The following TAS2R14 variants were observed in gnomAD, a reference collection of about 807,000 sequenced individuals.
The protein encoded by TAS2R14 is taste 2 receptor member 14, also known as taste receptor type 2 member 14.
For synonymous variants in TAS2R14, 131 were observed against 131.0 expected, an observed-to-expected ratio of 1.00 and a Z score of 0.00; for missense variants, 383 against 372.0, an observed-to-expected ratio of 1.03 and a Z score of -0.24.
At chr12:10,938,309 T>C (rs763149193) in exon 1 of TAS2R14, 3 of 1,613,720 alleles carry the variant, frequency 1.9e-6, no homozygotes, top group Non-Finnish European at 2.5e-6. Flanking sequence ...TTTGAACATG[T>C]ACCTCAGCCA....
exon 5 of TAS2R14, chr12:10,938,308 G>T (rs1300668196): frequency 6.2e-7 from 1 of 1,613,564 alleles, no homozygotes; most frequent in East Asian, 2.2e-5. Flanking sequence ...CTTTGAACAT[G>T]TACCTCAGCC....
At chr12:10,939,263 A>T (rs996118224) in exon 1 of TAS2R14, 2 of 997,124 alleles carry the variant, frequency 2.0e-6, no homozygotes, top group African/African-American at 3.3e-5. Flanking sequence ...TTCTTAATGC[A>T]TTCATCTAAA....
rs768228794 is a variant in TAS2R14, at chr12:10,939,036, G to A, written c.172C>T (p.Leu58=). The change falls in exon 1 of 1, where the codon CTG becomes TTG. Residue 58 remains leucine (L), a synonymous_variant. Transcript: ENST00000537503. ...CAGCTTCCGAATATTAACCAAACCA[G>A]GCTAATTCGAGAGATTGCCAAAGCA... 3 of 1,613,796 alleles carry A rather than the reference G, an allele frequency of 1.9e-6. No individual in the cohort carries two copies. The Admixed American group carries it at 5.0e-5, about 27-fold the overall frequency.
chr12:10,938,452 C>CATATCAGTTTCATAT (rs762146234), exon 5 of TAS2R14: 1 of 1,614,014 alleles, frequency 6.2e-7, no homozygotes, highest in South Asian at 1.1e-5. Context: ...TTTCAGAGGT[C>CATATCAGTTTCATAT]CAAACTGATA....
At chr12:10,938,847 A>G (rs1288988737) in exon 1 of TAS2R14, 3 of 1,613,526 alleles carry the variant, frequency 1.9e-6, no homozygotes, top group Non-Finnish European at 2.5e-6. Flanking sequence ...CACTTTAGGT[A>G]GAGAAAAATA....
At position 10,938,390 on chromosome 12, in the gene TAS2R14, G is replaced by A; in HGVS notation, c.818C>T (p.Pro273Leu). 6.2e-7 allele frequency: 1 copy of A among 1,613,996 alleles called. No homozygotes were observed. Among genetic ancestry groups the A allele is most frequent in the Non-Finnish European group, 8.5e-7 (1 of 1,179,946 alleles). ...AATCAGAACACATGAGTGACATGAA[G>A]GATAAGCCATTCCCATCACCTGGGA... The change falls in exon 1 of 1, where the codon CCT (proline) becomes CTT (leucine). Residue 273 changes from proline (P) to leucine (L), a missense_variant. Coordinates refer to ENST00000537503, the Ensembl canonical transcript of TAS2R14.
At chr12:10,938,298 C>A in exon 1 of TAS2R14, 3 of 1,612,512 alleles carry the variant, frequency 1.9e-6, no homozygotes, top group Non-Finnish European at 2.5e-6. Context: ...GGCTCCCCAT[C>A]TTTGAACATG....
exon 1 of TAS2R14, chr12:10,937,736 G>A (rs1161920693): frequency 6.6e-6 from 1 of 152,242 alleles, no homozygotes; most frequent in African/African-American, 2.4e-5. Context: ...AATGAGCAAA[G>A]CAAATGTGGT....
At chr12:10,938,902 G>T in exon 1 of TAS2R14, 1 of 1,613,918 alleles carries the variant, frequency 6.2e-7, no homozygotes, top group South Asian at 1.1e-5. Context: ...AAGTACCGAG[G>T]CCTGTAGCTA....
chr12:10,938,505 T>C (rs903406091), exon 1 of TAS2R14: 1 of 1,614,056 alleles, frequency 6.2e-7, no homozygotes, highest in African/African-American at 1.3e-5. Flanking sequence ...AGGAAGAAAG[T>C]GATCACACTT....
chr12:10,938,562 C>A, exon 1 of TAS2R14: 1 of 1,613,990 alleles, frequency 6.2e-7, no homozygotes, highest in South Asian at 1.1e-5. Context: ...GATATTTTGA[C>A]AGTGTGCTGC....
rs1387483577 is a variant in TAS2R14 at position 10,938,146 on chromosome 12, A to G, written c.*108T>C. On this transcript the variant is annotated 3_prime_UTR_variant, in exon 1 of 1. Transcript: ENST00000537503. ...TGTTTGGATGGTGTTGATTCCAAGCATATCTTTGTAAAATTCACAAAGTTA... is the reference window on the plus strand; with the variant it reads ...TGTTTGGATGGTGTTGATTCCAAGCGTATCTTTGTAAAATTCACAAAGTTA... The G allele has an allele frequency of 6.8e-6, 5 of 733,510 alleles. No homozygotes were observed. In the African/African-American group the frequency reaches 8.9e-5, roughly 13 times the overall value. The allele number at this position is 733,510 out of a possible 1,614,324, so 45.4% of individuals were successfully genotyped here. A position where few individuals can be genotyped will look rare whatever the true frequency, so the allele number is the denominator to read the frequency against.
exon 1 of TAS2R14, chr12:10,938,650 G>T: frequency 6.2e-7 from 1 of 1,613,932 alleles, no homozygotes; most frequent in East Asian, 2.2e-5. Flanking sequence ...GTATGAAAAT[G>T]AACACAGTGC....
At position 10,938,856 on chromosome 12, in the gene TAS2R14, T is replaced by C. The variant is rs4140968; in HGVS notation, c.352A>G (p.Ile118Val). 6.4e-5 allele frequency: 103 copies of C among 1,613,544 alleles called. 1 individual carries two copies. In the East Asian group the frequency reaches 1.8e-3, roughly 29 times the overall value. The change falls in exon 1 of 1, where the codon ATT becomes GTT. Residue 118 changes from isoleucine to valine, a missense_variant. Transcript: ENST00000537503. ...ACCCTCCACTTTAGGTAGAGAAAAA[T>C]AGAGTTAGAAAAATTGGCTATCTTG...
exon 1 of TAS2R14, chr12:10,937,606 AC>A (rs1950309960): frequency 6.6e-6 from 1 of 152,148 alleles, no homozygotes; most frequent in Non-Finnish European, 1.5e-5. Context: ...GAATGTTCAA[AC>A]CATTTCATTA....
At chr12:10,938,096 C>T (rs1319176707) in exon 1 of TAS2R14, 1 of 571,840 alleles carries the variant, frequency 1.7e-6, no homozygotes, top group East Asian at 2.9e-5. Context: ...AATATACATA[C>T]TTTCATATAT....
chr12:10,939,086 A>T, exon 1 of TAS2R14: 1 of 1,613,980 alleles, frequency 6.2e-7, no homozygotes, highest in Non-Finnish European at 8.5e-7. Flanking sequence ...AACCGAAGAG[A>T]TCTTTCTTCC....
At chr12:10,939,137 T>C in exon 1 of TAS2R14, 1 of 1,601,894 alleles carries the variant, frequency 6.2e-7, no homozygotes, top group South Asian at 1.1e-5. Context: ...TATGAAACTA[T>C]TTCCTAAATT....
chr12:10,938,910 C>T, exon 1 of TAS2R14: 7 of 1,613,948 alleles, frequency 4.3e-6, no homozygotes, highest in Non-Finnish European at 5.1e-6. Flanking sequence ...AGGCCTGTAG[C>T]TAACCAGACA....
Sources: gnomAD v4.1 joint callset for allele counts on GRCh38, gnomAD v4.1.1 for gene constraint, MANE v1.5 for transcripts, NCBI Gene and HGNC (gene_info 2026-07-23, HGNC 2026-07-21) for gene names.